Variants in TMEM164 observed in about 807,000 individuals in gnomAD.
TMEM164 encodes RP13-360B22.2.
In TMEM164, 4 loss-of-function variants were observed where a neutral mutation model predicts 18.8. That is an observed-to-expected ratio of 0.21 (90% CI 0.10 to 0.49). The LOEUF (loss-of-function observed/expected upper bound fraction) is 0.49. TMEM164 is among the 20% of genes least tolerant of loss of function. TMEM164 has a pLI of 0.98. For synonymous variants in TMEM164, 86 were observed against 101.7 expected, an observed-to-expected ratio of 0.85 and a Z score of 0.93; for missense variants, 108 against 239.9, an observed-to-expected ratio of 0.45 and a Z score of 3.63.
Position 110,014,141 on chromosome X carries a change from A to AAAT in TMEM164, c.390+9978_390+9980dup, listed in dbSNP as rs1187587470. On this transcript the variant is annotated intron_variant, in intron 2 of 6. Transcript: ENST00000372068. ...CACATAAGACACATTCAATACATTTAAATGATGATGATGATGATGACGATG... is the reference window on the plus strand; with the variant it reads ...CACATAAGACACATTCAATACATTTAAATAATGATGATGATGATGATGACGATG... 1.2e-4 allele frequency among the ~76,000 whole-genome samples: 10 copies of AAAT among 82,894 alleles called. No individual in the cohort carries two copies. In the Admixed American group the frequency reaches 1.5e-3, roughly 12 times the overall value. The allele number at this position is 82,894 out of a possible 115,157, so 72.0% of individuals were successfully genotyped here.
chrX:110,170,325 T>C (rs1353529101), intron 5 of TMEM164, among the ~76,000 whole-genome samples: 2 of 113,057 alleles, frequency 1.8e-5, no homozygotes, highest in Non-Finnish European at 3.7e-5. Context: ...CCCTGTGTTG[T>C]AGTTGTTGAC....
downstream of TMEM164, among the ~76,000 whole-genome samples, chrX:110,183,294 CCAAT>C (rs907755750): frequency 3.6e-5 from 4 of 112,249 alleles, no homozygotes; most frequent in Non-Finnish European, 7.5e-5. Flanking sequence ...ACCAAACCAA[CCAAT>C]CAGTTTTCAG....
At position 110,058,344 on chromosome X, in the gene TMEM164, T is replaced by A. The variant is rs187743183; in HGVS notation, c.391-9003T>A. On this transcript the variant is annotated intron_variant, in intron 2 of 6. Transcript: ENST00000372068. ...CTGGTTCTTTCTTCTGCTTGATAAATCTCCTGTTTTTAGTTGAGTCATTGT... is the reference window on the plus strand; with the variant it reads ...CTGGTTCTTTCTTCTGCTTGATAAAACTCCTGTTTTTAGTTGAGTCATTGT... 3.0e-4 allele frequency among the ~76,000 whole-genome samples: 33 copies of A among 109,608 alleles called. No homozygotes were observed. In the East Asian group the frequency reaches 8.6e-3, roughly 29 times the overall value.
chrX:110,038,283 G>A (rs1441270719), intron 2 of TMEM164, among the ~76,000 whole-genome samples: 2 of 110,886 alleles, frequency 1.8e-5, no homozygotes, highest in Non-Finnish European at 1.9e-5. Flanking sequence ...GAGCCACCGC[G>A]CCCGGCCTGG....
chrX:110,012,698 G>A (rs780549504), intron 2 of TMEM164, among the ~76,000 whole-genome samples: 2 of 111,880 alleles, frequency 1.8e-5, no homozygotes, highest in Admixed American at 9.4e-5. Flanking sequence ...AAGGCCTGGC[G>A]AGGACCCCTC....
At chrX:110,067,939 G>A (rs1042696511) in intron 3 of TMEM164, among the ~76,000 whole-genome samples, 6 of 112,649 alleles carry the variant, frequency 5.3e-5, no homozygotes, top group Non-Finnish European at 9.4e-5. Context: ...TCTGAAGGCA[G>A]GTTTATTTAA....
At chrX:110,024,767 AAG>A (rs1394285390) in intron 2 of TMEM164, among the ~76,000 whole-genome samples, 1 of 111,931 alleles carries the variant, frequency 8.9e-6, no homozygotes, top group African/African-American at 3.3e-5. Context: ...TGGTTTCTAG[AAG>A]AGAAGCAATT....
chrX:110,002,958 G>C (rs1318041311), upstream of TMEM164: 1 of 110,938 alleles, frequency 9.0e-6, no homozygotes, highest in Non-Finnish European at 1.9e-5. Context: ...CTGCGCGAGG[G>C]GGGCAGGTCC....
At chrX:110,090,160 C>G (rs2065904050) in intron 3 of TMEM164, among the ~76,000 whole-genome samples, 1 of 110,974 alleles carries the variant, frequency 9.0e-6, no homozygotes, top group African/African-American at 3.3e-5. Context: ...GTTGTGCGGC[C>G]CCATTTGGTT....
At chrX:110,144,979 G>A (rs1332161253) in intron 5 of TMEM164, 103 bp downstream of exon 5, 5 of 577,131 alleles carry the variant, frequency 8.7e-6, no homozygotes, top group Non-Finnish European at 1.4e-5. Context: ...ATCTTCAGCT[G>A]CCGCTTGACT....
chrX:110,092,852 T>G (rs983092809), intron 3 of TMEM164, among the ~76,000 whole-genome samples: 8 of 112,077 alleles, frequency 7.1e-5, no homozygotes, highest in Admixed American at 2.8e-4. Context: ...GGATTTCTCA[T>G]AAATAGCTCT....
At chrX:110,037,215 G>A (rs1043181912) in intron 2 of TMEM164, among the ~76,000 whole-genome samples, 1 of 111,308 alleles carries the variant, frequency 9.0e-6, no homozygotes, top group Non-Finnish European at 1.9e-5. Context: ...TGCCAGATTG[G>A]TAGGATAAAG....
intron 5 of TMEM164, among the ~76,000 whole-genome samples, chrX:110,155,248 A>G (rs946021430): frequency 9.0e-6 from 1 of 110,548 alleles, no homozygotes; most frequent in Non-Finnish European, 1.9e-5. Flanking sequence ...TGGTTCTCCT[A>G]CTTCTCTGGT....
rs1438597470 is a variant in TMEM164 at position 110,068,677 on chromosome X, A to C, written c.440+1281A>C. On this transcript the variant is annotated intron_variant, in intron 3 of 6. Transcript: ENST00000372068. Reference sequence around the variant, plus strand: ...TATTGATACATTCATATAGGTGTGTAAATCATAAATATGATTGCTGGATTT... The same window carrying C: ...TATTGATACATTCATATAGGTGTGTCAATCATAAATATGATTGCTGGATTT... 2.7e-5 allele frequency among the ~76,000 whole-genome samples: 3 copies of C among 111,871 alleles called. 1 individual carries two copies. The highest frequency in any genetic ancestry group is 1.9e-4 in the Admixed American group (2 of 10,533).
At chrX:110,081,203 C>A (rs893368574) in intron 3 of TMEM164, among the ~76,000 whole-genome samples, 1 of 111,139 alleles carries the variant, frequency 9.0e-6, no homozygotes, top group Admixed American at 9.7e-5. Flanking sequence ...CTCATCTAAT[C>A]TTTAAAATAG....
rs754713777 is a variant in TMEM164, at chrX:110,022,199, A to ATGTGTGTGTGTGTGTGTGTGTGTG, written c.390+18056_390+18057insGTGTGTGTGTGTGTGTGTGTGTGT. 2.9e-3 allele frequency among the ~76,000 whole-genome samples: 312 copies of ATGTGTGTGTGTGTGTGTGTGTGTG among 107,604 alleles called. 1 individual carries two copies. The highest frequency in any genetic ancestry group is 9.4e-3 in the African/African-American group (276 of 29,351). 93.4% of individuals were successfully genotyped at this position (107,604 alleles called of 115,157 possible). Reference sequence around the variant, plus strand: ...TCTGAGCCTAAACTGACCACTAGAAATGTGTGTGTGTGTGTGTGTGTATTG... The same window carrying ATGTGTGTGTGTGTGTGTGTGTGTG: ...TCTGAGCCTAAACTGACCACTAGAAATGTGTGTGTGTGTGTGTGTGTGTGTGTGTGTGTGTGTGTGTGTGTATTG... On this transcript the variant is annotated intron_variant, in intron 2 of 6. Coordinates refer to ENST00000372068, the MANE Select transcript of TMEM164 (RefSeq NM_032227.4).
At chrX:110,088,810 A>AT (rs1569322885) in intron 3 of TMEM164, among the ~76,000 whole-genome samples, 1 of 111,266 alleles carries the variant, frequency 9.0e-6, no homozygotes, top group East Asian at 2.8e-4. Flanking sequence ...GACTGCTTTT[A>AT]TTTTTTTTCC....
chrX:110,105,175 A>ACCAT (rs55889712), intron 3 of TMEM164, among the ~76,000 whole-genome samples: 1,000 of 88,997 alleles, frequency 0.011, 8 homozygotes, highest in East Asian at 0.038. Flanking sequence ...CTTCCATCCA[A>ACCAT]CCATCCATCC....
At chrX:110,162,279 G>A (rs906558501) in intron 5 of TMEM164, among the ~76,000 whole-genome samples, 1 of 112,704 alleles carries the variant, frequency 8.9e-6, no homozygotes, top group Non-Finnish European at 1.9e-5. Context: ...TGCATATTCT[G>A]CTAGGTCAGG....
Sources: gnomAD v4.1 joint callset for allele counts (sites outside exome capture counted in the v4.1 genomes callset) on GRCh38, gnomAD v4.1.1 for gene constraint, MANE v1.5 for transcripts, NCBI Gene and HGNC (gene_info 2026-07-23, HGNC 2026-07-21) for gene names.